Variants in TTC27 observed in about 807,000 individuals in gnomAD.
The protein encoded by TTC27 is tetratricopeptide repeat protein 27.
In TTC27, 79 loss-of-function variants were observed where a neutral mutation model predicts 115.9. The observed-to-expected ratio is 0.68, with a 90% CI of 0.57 to 0.82. The LOEUF (loss-of-function observed/expected upper bound fraction) is 0.82, where lower values mean the gene tolerates loss of function less well. Among genes scored for constraint, TTC27 ranks in the 40% least tolerant of loss-of-function variants. The pLI is 0.00. For synonymous variants in TTC27, 401 were observed against 356.0 expected, an observed-to-expected ratio of 1.13 and a Z score of -1.42; for missense variants, 1,054 against 993.1, an observed-to-expected ratio of 1.06 and a Z score of -0.82.
chr2:32,682,371 C>T (rs995832134), intron 9 of TTC27, among the ~76,000 whole-genome samples: 8 of 152,258 alleles, frequency 5.3e-5, no homozygotes, highest in African/African-American at 1.7e-4. Context: ...TATTGCAGAA[C>T]ATCTATGAAA....
intron 10 of TTC27, among the ~76,000 whole-genome samples, chr2:32,708,304 G>GTTTTTTTTTTGT (rs1667450631): frequency 4.9e-5 from 3 of 61,348 alleles, no homozygotes; most frequent in Non-Finnish European, 9.3e-5. Context: ...TCTCTACCTT[G>GTTTTTTTTTTGT]TTTTTTTTTT....
intron 5 of TTC27, among the ~76,000 whole-genome samples, chr2:32,653,486 C>G (rs1665206534): frequency 6.6e-6 from 1 of 151,066 alleles, no homozygotes; most frequent in African/African-American, 2.4e-5. Flanking sequence ...CCCAGCTACT[C>G]AGGAGGTTGA....
intron 17 of TTC27, among the ~76,000 whole-genome samples, chr2:32,811,603 G>A (rs141318700): frequency 7.5e-4 from 114 of 152,276 alleles, no homozygotes; most frequent in Middle Eastern, 3.4e-3. Flanking sequence ...TTAGATCTGA[G>A]ATGGGGATTA....
At chr2:32,723,484 C>T (rs141136612) in intron 10 of TTC27, among the ~76,000 whole-genome samples, 22 of 152,188 alleles carry the variant, frequency 1.4e-4, no homozygotes, top group Non-Finnish European at 2.9e-4. Context: ...CCCAGGTACA[C>T]ATAGAACAGA....
At chr2:32,683,417 C>T (rs1041036528) in intron 9 of TTC27, among the ~76,000 whole-genome samples, 3 of 152,088 alleles carry the variant, frequency 2.0e-5, no homozygotes, top group Non-Finnish European at 4.4e-5. Flanking sequence ...AATTTTGTTC[C>T]GTTTTGATTA....
At chr2:32,716,938 C>T (rs1572543896) in intron 10 of TTC27, among the ~76,000 whole-genome samples, 1 of 151,958 alleles carries the variant, frequency 6.6e-6, no homozygotes, top group East Asian at 1.9e-4. Context: ...AAGCAGTCCT[C>T]CAGCCTTAAC....
chr2:32,698,391 C>T (rs1305023761), intron 9 of TTC27, among the ~76,000 whole-genome samples: 3 of 151,448 alleles, frequency 2.0e-5, no homozygotes, highest in African/African-American at 4.8e-5. Flanking sequence ...TTCAGCCTCC[C>T]GAAGTGCTGG....
At chr2:32,650,353 C>CTTTTTTTTTTTTTTTT (rs368973893) in intron 5 of TTC27, 120 bp downstream of exon 5, 3 of 212,520 alleles carry the variant, frequency 1.4e-5, no homozygotes, top group African/African-American at 4.3e-5. Context: ...TGAGTTGTTT[C>CTTTTTTTTTTTTTTTT]TTTTTTTTTT....
intron 9 of TTC27, among the ~76,000 whole-genome samples, chr2:32,684,231 A>G (rs1043050748): frequency 2.0e-5 from 3 of 152,136 alleles, no homozygotes; most frequent in Non-Finnish European, 4.4e-5. Flanking sequence ...AATTTCATCC[A>G]TGTCCCTACA....
chr2:32,667,505 C>A (rs1665827921), intron 7 of TTC27, among the ~76,000 whole-genome samples: 1 of 150,796 alleles, frequency 6.6e-6, no homozygotes, highest in Non-Finnish European at 1.5e-5. Flanking sequence ...CATCCTCCGC[C>A]TCCTGGGTTT....
intron 10 of TTC27, among the ~76,000 whole-genome samples, chr2:32,717,322 T>A (rs1049092019): frequency 1.3e-5 from 2 of 152,118 alleles, no homozygotes; most frequent in African/African-American, 2.4e-5. Flanking sequence ...AGCATTGTAA[T>A]GATGATGCTG....
In TTC27 at chr2:32,733,913, G is replaced by C; in HGVS notation, c.1319G>C (p.Trp440Ser). The change falls in exon 11 of 20, where the codon TGG becomes TCG. Residue 440 changes from tryptophan to serine, a missense_variant. Trp to Ser is a radical substitution (Grantham distance 177). Coordinates refer to ENST00000317907, the MANE Select transcript of TTC27 (RefSeq NM_017735.5). ...IFYCCQVPPH[W>S]AIQRQLASLL... ...TATTGCTGTCAAGTACCACCTCACT[G>C]GGCCATTCAGGTATTTCTGTTGTTT... 4 of 1,608,990 alleles carry C rather than the reference G, an allele frequency of 2.5e-6. No homozygotes were observed. The highest frequency in any genetic ancestry group is 3.4e-6 in the Non-Finnish European group (4 of 1,176,984).
Position 32,758,431 on chromosome 2 carries a change from G to A in TTC27, c.1592G>A (p.Arg531His), listed in dbSNP as rs538191069. 1.1e-5 allele frequency: 18 copies of A among 1,614,176 alleles called. No homozygotes were observed. Among genetic ancestry groups the A allele is most frequent in the Admixed American group, 3.3e-5 (2 of 60,014 alleles). ...LSRYRSARAQ[R>H]SKALLHLRNK... Reference sequence around the variant, plus strand: ...CGGTACCGCAGTGCTCGTGCTCAGCGCTCCAAAGCCCTCCTTCATCTTCGG... The same window carrying A: ...CGGTACCGCAGTGCTCGTGCTCAGCACTCCAAAGCCCTCCTTCATCTTCGG... The change falls in exon 13 of 20, where the codon CGC (arginine) becomes CAC (histidine). Residue 531 changes from arginine (R) to histidine (H), a missense_variant. Arg to His is a conservative substitution (Grantham distance 29). Transcript: ENST00000317907.
intron 10 of TTC27, among the ~76,000 whole-genome samples, chr2:32,728,498 G>A (rs976213310): frequency 6.6e-6 from 1 of 152,090 alleles, no homozygotes; most frequent in Non-Finnish European, 1.5e-5. Flanking sequence ...CCTTGATCAG[G>A]CCACACCCTG....
rs576405199 is a variant in TTC27 at position 32,741,779 on chromosome 2, A to T, written c.1452+4963A>T. 3.9e-5 allele frequency among the ~76,000 whole-genome samples: 6 copies of T among 152,322 alleles called. No homozygotes were observed. In the South Asian group the frequency reaches 1.2e-3, roughly 32 times the overall value. On this transcript the variant is annotated intron_variant, in intron 12 of 19. Coordinates refer to ENST00000317907, the MANE Select transcript of TTC27 (RefSeq NM_017735.5). ...ATGAGTAACTAGTAAGTGATCACTC[A>T]ATAGTTATCTCATTGAAGCAATCTC... is the stretch of plus-strand genomic sequence containing the variant.
rs573374771 is a variant in TTC27 at position 32,684,191 on chromosome 2, T to C, written c.1119+5269T>C. Among the ~76,000 whole-genome samples the C allele has an allele frequency of 6.7e-4, 102 of 152,202 alleles. No homozygotes were observed. The South Asian group carries it at 8.7e-3, about 13-fold the overall frequency. ...AAAAGTTTGTTTGGTTTTTTGTTCT[T>C]GCGATAGTTTACTGAGAATGATGAT... is the stretch of plus-strand genomic sequence containing the variant. On this transcript the variant is annotated intron_variant, in intron 9 of 19. Coordinates refer to ENST00000317907, the MANE Select transcript of TTC27 (RefSeq NM_017735.5).
At chr2:32,730,812 G>A (rs1668269049) in intron 10 of TTC27, among the ~76,000 whole-genome samples, 2 of 151,734 alleles carry the variant, frequency 1.3e-5, no homozygotes, top group Admixed American at 1.3e-4. Context: ...AGTAGAGATG[G>A]GGTTTCACCA....
intron 5 of TTC27, among the ~76,000 whole-genome samples, chr2:32,658,516 A>G (rs573538856): frequency 4.1e-4 from 62 of 152,218 alleles, no homozygotes; most frequent in Non-Finnish European, 6.6e-4. Flanking sequence ...ATTCCTAGGC[A>G]GAGTTAGATA....
At chr2:32,639,644 A>G (rs1433259024) in intron 3 of TTC27, among the ~76,000 whole-genome samples, 1 of 152,206 alleles carries the variant, frequency 6.6e-6, no homozygotes, top group Non-Finnish European at 1.5e-5. Context: ...ATTTTGTTGT[A>G]AGTGAATTTA....
Sources: gnomAD v4.1 joint callset for allele counts (sites outside exome capture counted in the v4.1 genomes callset) on GRCh38, gnomAD v4.1.1 for gene constraint, MANE v1.5 for transcripts, NCBI Gene and HGNC (gene_info 2026-07-23, HGNC 2026-07-21) for gene names.